PLCB1: variants seen among roughly 807,000 people sequenced by gnomAD.
PLCB1 encodes phospholipase C beta 1, also known as 1-phosphatidylinositol 4,5-bisphosphate phosphodiesterase beta-1.
A neutral mutation model predicts 161.8 loss-of-function variants in PLCB1; 46 were observed. That is an observed-to-expected ratio of 0.28 (90% CI 0.22 to 0.36). The LOEUF (loss-of-function observed/expected upper bound fraction) is 0.36, where lower values mean the gene tolerates loss of function less well. Ranked by LOEUF, PLCB1 falls within the 10% of genes least tolerant of loss-of-function variation. The probability of loss-of-function intolerance (pLI) is 1.00; values close to 1 mark genes in which losing one functional copy is unlikely to be tolerated. For synonymous variants in PLCB1, 517 were observed against 503.7 expected (o/e 1.03, Z -0.35); for missense variants, 1,016 against 1,472.5 (o/e 0.69, Z 5.07).
At chr20:8,251,248 T>A (rs1389643060) in intron 2 of PLCB1, among the ~76,000 whole-genome samples, 2 of 151,958 alleles carry the variant, frequency 1.3e-5, no homozygotes, top group East Asian at 3.9e-4. Context: ...CTTAATACGA[T>A]CACAGTGGGA....
At chr20:8,754,880 A>G (rs1342587756) in intron 23 of PLCB1, among the ~76,000 whole-genome samples, 1 of 152,228 alleles carries the variant, frequency 6.6e-6, no homozygotes, top group African/African-American at 2.4e-5. Flanking sequence ...ATGACTTTCC[A>G]GTTTGCAATG....
intron 7 of PLCB1, 106 bp downstream of exon 7, chr20:8,649,555 GA>G: frequency 1.3e-6 from 1 of 754,290 alleles, no homozygotes; most frequent in Non-Finnish European, 2.4e-6. Flanking sequence ...CCTTTAAGAG[GA>G]AATTAAGAGC....
chr20:8,618,221 A>T (rs1482798993), intron 3 of PLCB1, among the ~76,000 whole-genome samples: 1 of 152,206 alleles, frequency 6.6e-6, no homozygotes, highest in African/African-American at 2.4e-5. Context: ...GAACAAAAGG[A>T]AAAAATAATT....
chr20:8,338,994 G>C (rs1365537347), intron 2 of PLCB1, among the ~76,000 whole-genome samples: 5 of 151,948 alleles, frequency 3.3e-5, no homozygotes, highest in African/African-American at 9.7e-5. Flanking sequence ...CTTTTTTATT[G>C]CTGTGAAGTG....
intron 31 of PLCB1, among the ~76,000 whole-genome samples, chr20:8,804,550 A>G (rs1984433596): frequency 1.3e-5 from 2 of 152,226 alleles, no homozygotes; most frequent in Admixed American, 6.5e-5. Context: ...TGAAAAAAGA[A>G]CAAAACGTTC....
At chr20:8,233,130 C>G (rs938182347) in intron 2 of PLCB1, among the ~76,000 whole-genome samples, 4 of 152,244 alleles carry the variant, frequency 2.6e-5, no homozygotes, top group Middle Eastern at 3.4e-3. Context: ...TCCTACTTAT[C>G]ACAAAACCGT....
rs143416800 is a variant in PLCB1, at chr20:8,744,460, T to C, written c.2523+2887T>C. Among the ~76,000 whole-genome samples the C allele has an allele frequency of 2.2e-3, 339 of 151,982 alleles. 2 individuals carry two copies. The highest frequency in any genetic ancestry group is 0.02 in the Admixed American group (301 of 15,250). On this transcript the variant is annotated intron_variant, in intron 23 of 31. Coordinates refer to ENST00000338037, the MANE Select transcript of PLCB1 (RefSeq NM_015192.4). ...GAAATTTATCTAAAATTGTTTCAAA[T>C]AGCTGGGTGTGCTGACACATGCCTG...
intron 2 of PLCB1, among the ~76,000 whole-genome samples, chr20:8,227,624 AC>A (rs1277645192): frequency 6.6e-6 from 1 of 152,170 alleles, no homozygotes; most frequent in Non-Finnish European, 1.5e-5. Context: ...CCACACTTTT[AC>A]AAATTGCTTT....
chr20:8,285,292 A>T (rs6133568), intron 2 of PLCB1, among the ~76,000 whole-genome samples: 4,487 of 149,504 alleles, frequency 0.03, 171 homozygotes, highest in African/African-American at 0.091. Flanking sequence ...ATATATTTAT[A>T]TCTATATACA....
intron 2 of PLCB1, among the ~76,000 whole-genome samples, chr20:8,200,661 T>C (rs1355723551): frequency 5.9e-5 from 9 of 152,034 alleles, no homozygotes; most frequent in African/African-American, 2.2e-4. Flanking sequence ...TCCTCTTGGA[T>C]TTTCTATGTA....
intron 2 of PLCB1, among the ~76,000 whole-genome samples, chr20:8,261,272 A>G (rs1218873891): frequency 1.3e-5 from 2 of 152,154 alleles, no homozygotes; most frequent in African/African-American, 4.8e-5. Context: ...GAGGAGAGAG[A>G]GAGAGAAAGA....
At chr20:8,265,924 T>A (rs1052316715) in intron 2 of PLCB1, among the ~76,000 whole-genome samples, 2 of 152,206 alleles carry the variant, frequency 1.3e-5, no homozygotes, top group Non-Finnish European at 2.9e-5. Context: ...GGTGGAGGAC[T>A]AATTTTTATT....
intron 3 of PLCB1, among the ~76,000 whole-genome samples, chr20:8,373,751 T>A (rs1199913057): frequency 6.6e-6 from 1 of 152,212 alleles, no homozygotes; most frequent in Non-Finnish European, 1.5e-5. Context: ...AAAGCCACTT[T>A]TCATTTCACT....
chr20:8,561,006 C>T (rs1191862112), intron 3 of PLCB1, among the ~76,000 whole-genome samples: 1 of 151,844 alleles, frequency 6.6e-6, no homozygotes, highest in East Asian at 1.9e-4. Flanking sequence ...CAGAATTAAA[C>T]TGCTCAAGGA....
intron 3 of PLCB1, among the ~76,000 whole-genome samples, chr20:8,497,089 AG>A (rs1385412331): frequency 6.6e-6 from 1 of 152,200 alleles, no homozygotes; most frequent in Non-Finnish European, 1.5e-5. Flanking sequence ...TATGTGTCTA[AG>A]GAATTTGATA....
At chr20:8,341,891 A>G (rs1474508474) in intron 2 of PLCB1, among the ~76,000 whole-genome samples, 2 of 152,184 alleles carry the variant, frequency 1.3e-5, no homozygotes, top group Non-Finnish European at 2.9e-5. Context: ...CTGAGGTTCA[A>G]AGAGGCTAGA....
chr20:8,855,238 A>T (rs1003887892), intron 31 of PLCB1, among the ~76,000 whole-genome samples: 1 of 152,118 alleles, frequency 6.6e-6, no homozygotes, highest in African/African-American at 2.4e-5. Flanking sequence ...ACTCCCACCA[A>T]TTCTAGGGAG....
intron 2 of PLCB1, among the ~76,000 whole-genome samples, chr20:8,359,991 C>G (rs1234895103): frequency 6.6e-6 from 1 of 152,094 alleles, no homozygotes; most frequent in East Asian, 1.9e-4. Context: ...GGGTTGTATA[C>G]AAGTGATTTA....
In PLCB1 at chr20:8,172,048, A is replaced by G. The variant is rs886831672; in HGVS notation, c.177+21677A>G. 4.6e-5 allele frequency among the ~76,000 whole-genome samples: 7 copies of G among 152,252 alleles called. No homozygotes were observed. The East Asian group carries it at 1.3e-3, about 29-fold the overall frequency. ...CAAAGCAGTTTGGTGTAACCACTGT[A>G]ATCCCAGTAAGCTATGGTTGGGGTC... On this transcript the variant is annotated intron_variant, in intron 2 of 31. Transcript: ENST00000338037.
Sources: allele counts gnomAD v4.1 joint callset (sites outside exome capture counted in the v4.1 genomes callset), GRCh38; gene constraint gnomAD v4.1.1; transcripts MANE v1.5; gene names NCBI Gene and HGNC (gene_info 2026-07-23, HGNC 2026-07-21).